RELN: variants seen among roughly 807,000 people sequenced by gnomAD.
RELN encodes the protein reelin.
RELN carries 108 observed loss-of-function variants against 427.6 expected under a neutral mutation model. The ratio of observed to expected loss-of-function variants is 0.25; its 90% CI spans 0.22 to 0.30. The LOEUF (loss-of-function observed/expected upper bound fraction) is 0.30, where lower values mean the gene tolerates loss of function less well. RELN is among the 10% of genes least tolerant of loss of function. The pLI, the probability that RELN is intolerant of heterozygous loss-of-function variation, is 1.00. For missense variants in RELN, 3,715 were observed against 4,302.8 expected (o/e 0.86, Z 3.82); for synonymous variants, 1,524 against 1,513.4 (o/e 1.01, Z -0.16).
intron 24 of RELN, among the ~76,000 whole-genome samples, chr7:103,598,200 G>A (rs1831583809): frequency 6.6e-6 from 1 of 152,114 alleles, no homozygotes; most frequent in African/African-American, 2.4e-5. Flanking sequence ...ATAAACAAGG[G>A]TGCTAGCAAA....
intron 1 of RELN, among the ~76,000 whole-genome samples, chr7:103,946,239 A>C (rs890060620): frequency 6.6e-6 from 1 of 152,212 alleles, no homozygotes; most frequent in African/African-American, 2.4e-5. Context: ...TTACTTACTA[A>C]AACTAATTAA....
Position 103,874,255 on chromosome 7 carries a change from G to A in RELN, c.338-40583C>T, listed in dbSNP as rs1486256156. Among the ~76,000 whole-genome samples, 14 of 122,042 alleles carry A rather than the reference G, an allele frequency of 1.1e-4. 1 individual carries two copies. The highest frequency in any genetic ancestry group is 1.8e-5 in the Non-Finnish European group (1 of 56,330). 80.1% of individuals were successfully genotyped at this position (122,042 alleles called of 152,430 possible). On this transcript the variant is annotated intron_variant, in intron 2 of 64. Coordinates refer to ENST00000428762, the MANE Select transcript of RELN (RefSeq NM_005045.4). Reference sequence around the variant, plus strand: ...ACAAACCCACAGCCAATATCATACTGAATGGGCAAAAACTGGAAGCATTCC... The same window carrying A: ...ACAAACCCACAGCCAATATCATACTAAATGGGCAAAAACTGGAAGCATTCC...
At position 103,782,732 on chromosome 7, in the gene RELN, A is replaced by T. The variant is rs1407887560; in HGVS notation, c.474-6105T>A. On this transcript the variant is annotated intron_variant, in intron 3 of 64. Coordinates refer to ENST00000428762, the MANE Select transcript of RELN (RefSeq NM_005045.4). ...AGAAGGAATACAAAAGTATTTTAAT[A>T]TACTTGCTATAATGCCTAAATTCCC... 3.3e-5 allele frequency among the ~76,000 whole-genome samples: 5 copies of T among 152,322 alleles called. No individual in the cohort carries two copies. The East Asian group carries it at 9.6e-4, about 29-fold the overall frequency.
chr7:103,788,186 T>C (rs1478669823), intron 3 of RELN, among the ~76,000 whole-genome samples: 2 of 152,186 alleles, frequency 1.3e-5, no homozygotes, highest in Admixed American at 6.5e-5. Flanking sequence ...ATGGAATGTA[T>C]CTCAAAATAA....
chr7:103,695,526 C>T (rs569347671), intron 10 of RELN, among the ~76,000 whole-genome samples: 23 of 152,032 alleles, frequency 1.5e-4, no homozygotes, highest in African/African-American at 4.3e-4. Flanking sequence ...AAATTACTAC[C>T]GAAGCAAAAC....
chr7:103,848,934 A>G (rs1223487118), intron 2 of RELN, among the ~76,000 whole-genome samples: 4 of 152,100 alleles, frequency 2.6e-5, no homozygotes, highest in Admixed American at 6.5e-5. Context: ...ATGGGAAGAT[A>G]TTGTTTATCA....
intron 10 of RELN, among the ~76,000 whole-genome samples, chr7:103,685,284 T>C (rs989735293): frequency 2.0e-5 from 3 of 152,154 alleles, no homozygotes; most frequent in Admixed American, 6.5e-5. Context: ...CGAACTCCTA[T>C]CATTTATATG....
At chr7:103,925,178 T>C (rs1357547524) in intron 1 of RELN, among the ~76,000 whole-genome samples, 1 of 152,146 alleles carries the variant, frequency 6.6e-6, no homozygotes, top group East Asian at 1.9e-4. Flanking sequence ...TTTTGAAATC[T>C]CCGAAGACTG....
At chr7:103,860,550 A>T (rs1014190067) in intron 2 of RELN, among the ~76,000 whole-genome samples, 13 of 152,070 alleles carry the variant, frequency 8.5e-5, no homozygotes, top group East Asian at 1.9e-4. Flanking sequence ...CTTGGATTTT[A>T]AAAAAATCCT....
At chr7:103,933,812 CG>C (rs1795916927) in intron 1 of RELN, among the ~76,000 whole-genome samples, 2 of 152,166 alleles carry the variant, frequency 1.3e-5, no homozygotes, top group East Asian at 3.9e-4. Context: ...TTTCTAACCA[CG>C]TGGCCTCATG....
intron 16 of RELN, among the ~76,000 whole-genome samples, chr7:103,647,405 T>C (rs888528665): frequency 6.6e-6 from 1 of 151,804 alleles, no homozygotes; most frequent in African/African-American, 2.4e-5. Context: ...AACATTTATA[T>C]ATAACGATAA....
intron 2 of RELN, among the ~76,000 whole-genome samples, chr7:103,873,907 G>A (rs75627802): frequency 0.72 from 75,489 of 105,312 alleles, 28,672 homozygotes; most frequent in Non-Finnish European, 0.78. Context: ...CAACCAAAAA[G>A]GAGAATTTTA....
At chr7:103,754,227 C>A (rs1705109) in intron 4 of RELN, among the ~76,000 whole-genome samples, 83,060 of 151,500 alleles carry the variant, frequency 0.55, 23,162 homozygotes, top group African/African-American at 0.61. Flanking sequence ...ACATTATATC[C>A]AAATGTTTAA....
chr7:103,566,865 G>T, intron 31 of RELN, 106 bp from the exon 32 acceptor site: 1 of 1,063,834 alleles, frequency 9.4e-7, no homozygotes, highest in Non-Finnish European at 1.4e-6. Context: ...GTGTCTCCTA[G>T]AACGAGGGCA....
At chr7:103,556,197 T>C (rs1222326937) in intron 38 of RELN, among the ~76,000 whole-genome samples, 3 of 152,154 alleles carry the variant, frequency 2.0e-5, no homozygotes, top group Admixed American at 2.0e-4. Context: ...TCTAAGTCCC[T>C]CTCACTTCGT....
At chr7:103,764,548 A>AAAAAGAAGGCCAGGC (rs953977922) in intron 4 of RELN, among the ~76,000 whole-genome samples, 1 of 151,980 alleles carries the variant, frequency 6.6e-6, no homozygotes, top group African/African-American at 2.4e-5. Context: ...ATAAAAGCAC[A>AAAAAGAAGGCCAGGC]AAAAGAAGGC....
intron 47 of RELN, 145 bp downstream of exon 47, chr7:103,523,246 C>T: frequency 1.2e-6 from 1 of 866,576 alleles, no homozygotes; most frequent in South Asian, 1.6e-5. Context: ...CCATCAACTT[C>T]ACAGTTAGCT....
chr7:103,826,153 G>A (rs749748904), intron 3 of RELN, among the ~76,000 whole-genome samples: 13 of 136,602 alleles, frequency 9.5e-5, no homozygotes, highest in Non-Finnish European at 2.0e-4. Context: ...TTTCTGCCAT[G>A]TGATGCCTTC....
chr7:103,624,915 G>C (rs922893408), intron 20 of RELN, among the ~76,000 whole-genome samples: 1 of 152,126 alleles, frequency 6.6e-6, no homozygotes, highest in Admixed American at 6.5e-5. Flanking sequence ...TAAGGAATGA[G>C]TACCTTCTGT....
Sources: gnomAD v4.1 joint callset for allele counts (sites outside exome capture counted in the v4.1 genomes callset) on GRCh38, gnomAD v4.1.1 for gene constraint, MANE v1.5 for transcripts, NCBI Gene and HGNC (gene_info 2026-07-23, HGNC 2026-07-21) for gene names.